ANTXR1: variants seen among roughly 807,000 people sequenced by gnomAD.
ANTXR1 encodes anthrax toxin receptor 1.
ANTXR1 carries 19 observed loss-of-function variants against 78.1 expected under a neutral mutation model. The observed-to-expected ratio is 0.24, with a 90% CI of 0.17 to 0.36. The LOEUF (loss-of-function observed/expected upper bound fraction) is 0.36, where lower values mean the gene tolerates loss of function less well. Ranked by LOEUF, ANTXR1 falls within the 10% of genes least tolerant of loss-of-function variation. The probability of loss-of-function intolerance (pLI) is 1.00; values close to 1 mark genes in which losing one functional copy is unlikely to be tolerated. For synonymous variants in ANTXR1, 273 were observed against 260.5 expected, an observed-to-expected ratio of 1.05 and a Z score of -0.46; for missense variants, 518 against 718.6, an observed-to-expected ratio of 0.72 and a Z score of 3.19.
At chr2:69,243,264 A>C (rs1675933416) in intron 17 of ANTXR1, among the ~76,000 whole-genome samples, 1 of 152,170 alleles carries the variant, frequency 6.6e-6, no homozygotes, top group Non-Finnish European at 1.5e-5. Flanking sequence ...AAGTCCCTGT[A>C]CCATGCAGAA....
chr2:69,091,122 A>C (rs1671219797), intron 9 of ANTXR1, among the ~76,000 whole-genome samples: 1 of 150,960 alleles, frequency 6.6e-6, no homozygotes, highest in South Asian at 2.1e-4. Flanking sequence ...GGAAGTTAAA[A>C]AAAAAAAAAA....
At chr2:69,192,280 A>C (rs1258113188) in intron 16 of ANTXR1, among the ~76,000 whole-genome samples, 1 of 152,182 alleles carries the variant, frequency 6.6e-6, no homozygotes, top group Non-Finnish European at 1.5e-5. Context: ...GACTAAAATC[A>C]AGGTGTTGGC....
chr2:69,223,067 A>G (rs1022397300), intron 17 of ANTXR1, among the ~76,000 whole-genome samples: 1 of 152,218 alleles, frequency 6.6e-6, no homozygotes, highest in Admixed American at 6.5e-5. Context: ...AGTGTGGAGA[A>G]GCAAGGAGCT....
At chr2:69,060,857 ATAAGT>A (rs972846430) in intron 3 of ANTXR1, among the ~76,000 whole-genome samples, 1 of 152,206 alleles carries the variant, frequency 6.6e-6, no homozygotes, top group East Asian at 1.9e-4. Context: ...AAATATTTTG[ATAAGT>A]TAAGATGTTT....
Position 69,013,810 on chromosome 2 carries a change from T to C in ANTXR1, c.152+159T>C, listed in dbSNP as rs945111583. 6.6e-6 allele frequency among the ~76,000 whole-genome samples: 1 copy of C among 152,158 alleles called. No individual in the cohort carries two copies. The highest frequency in any genetic ancestry group is 2.4e-5 in the African/African-American group (1 of 41,438). Reference sequence around the variant, plus strand: ...GCGGCGGCGGAGTGCTGCGCCTTTGTTGGGGCGCGCTCCTCCCAGCCTCGG... The same window carrying C: ...GCGGCGGCGGAGTGCTGCGCCTTTGCTGGGGCGCGCTCCTCCCAGCCTCGG... On this transcript the variant is annotated intron_variant, in intron 1 of 17. Coordinates refer to ENST00000303714, the MANE Select transcript of ANTXR1 (RefSeq NM_032208.3). The surrounding 1 kb of genome is among the most constrained non-coding windows in gnomAD (Gnocchi z 5.0).
At chr2:69,037,908 A>G (rs1459987759) in intron 1 of ANTXR1, among the ~76,000 whole-genome samples, 2 of 152,124 alleles carry the variant, frequency 1.3e-5, no homozygotes, top group Non-Finnish European at 1.5e-5. Flanking sequence ...CGCTCCTTCC[A>G]GATCCCTTCC....
intron 14 of ANTXR1, among the ~76,000 whole-genome samples, chr2:69,173,149 A>T (rs1049792683): frequency 3.7e-4 from 56 of 152,240 alleles, no homozygotes; most frequent in Admixed American, 1.3e-3. Flanking sequence ...GAACTGAGGC[A>T]GCTCTAGACA....
intron 12 of ANTXR1, among the ~76,000 whole-genome samples, chr2:69,136,974 C>G (rs1240102503): frequency 6.6e-6 from 1 of 152,126 alleles, no homozygotes; most frequent in Non-Finnish European, 1.5e-5. Flanking sequence ...TCAAGAGAAC[C>G]AAGAAAGCAC....
chr2:69,018,240 C>CCT (rs906781907), intron 1 of ANTXR1, among the ~76,000 whole-genome samples: 2 of 152,132 alleles, frequency 1.3e-5, no homozygotes, highest in Admixed American at 6.5e-5. Context: ...CCCCGTAAGA[C>CCT]CTCCGACTCC....
intron 14 of ANTXR1, among the ~76,000 whole-genome samples, chr2:69,173,647 G>C (rs1048056019): frequency 2.6e-5 from 4 of 152,108 alleles, no homozygotes; most frequent in Non-Finnish European, 5.9e-5. Context: ...CTACACCCAG[G>C]AATCCATACC....
chr2:69,028,462 A>G (rs1460768285), intron 1 of ANTXR1, among the ~76,000 whole-genome samples: 1 of 152,192 alleles, frequency 6.6e-6, no homozygotes, highest in African/African-American at 2.4e-5. Flanking sequence ...TTTATGAACT[A>G]AAATGTTATA....
intron 13 of ANTXR1, among the ~76,000 whole-genome samples, chr2:69,165,116 G>C (rs1673794307): frequency 6.6e-6 from 1 of 152,192 alleles, no homozygotes; most frequent in Non-Finnish European, 1.5e-5. Flanking sequence ...ACCCCAGAAA[G>C]CTGTGTTTTA....
At chr2:69,204,565 A>T (rs1674851471) in intron 17 of ANTXR1, among the ~76,000 whole-genome samples, 1 of 152,172 alleles carries the variant, frequency 6.6e-6, no homozygotes, top group African/African-American at 2.4e-5. Context: ...TGAGGCTCAG[A>T]TAAGATCTCT....
In ANTXR1 at chr2:69,245,892, C is replaced by A; in HGVS notation, c.*407C>A. On this transcript the variant is annotated 3_prime_UTR_variant, in exon 18 of 18. Coordinates refer to ENST00000303714, the MANE Select transcript of ANTXR1 (RefSeq NM_032208.3). Reference sequence around the variant, plus strand: ...TTCCTGCCTCTACTCCACCTCCATCCCTGGACTTTGGACCCTTGGCCTAGG... The same window carrying A: ...TTCCTGCCTCTACTCCACCTCCATCACTGGACTTTGGACCCTTGGCCTAGG... 1 of 192,830 alleles carries A rather than the reference C, an allele frequency of 5.2e-6. No individual in the cohort carries two copies. The highest frequency in any genetic ancestry group is 1.1e-5 in the Non-Finnish European group (1 of 92,896). 11.9% of individuals were successfully genotyped at this position (192,830 alleles called of 1,614,324 possible).
intron 10 of ANTXR1, among the ~76,000 whole-genome samples, chr2:69,106,689 T>C (rs2104331743): frequency 6.6e-6 from 1 of 152,328 alleles, no homozygotes; most frequent in East Asian, 1.9e-4. Flanking sequence ...CCAAAATGTG[T>C]CCGTGATCTT....
chr2:69,245,562 G>C lies in ANTXR1; in HGVS notation c.*77G>C. On this transcript the variant is annotated 3_prime_UTR_variant, in exon 18 of 18. Transcript: ENST00000303714. ...ACAAGTCTTTCCAGTTAGAGAAGAG[G>C]AGTGGTGATAAAGCCCACTGACCTT... 1 of 1,584,490 alleles carries C rather than the reference G, an allele frequency of 6.3e-7. No individual in the cohort carries two copies. Among genetic ancestry groups the C allele is most frequent in the South Asian group, 1.1e-5 (1 of 87,158 alleles).
At chr2:69,020,942 AG>A (rs1317299428) in intron 1 of ANTXR1, among the ~76,000 whole-genome samples, 2 of 152,224 alleles carry the variant, frequency 1.3e-5, no homozygotes, top group Non-Finnish European at 2.9e-5. Flanking sequence ...GGGAGGTAAA[AG>A]GAATGCAAAA....
chr2:69,043,624 C>T (rs898783603), intron 2 of ANTXR1, among the ~76,000 whole-genome samples: 10 of 152,168 alleles, frequency 6.6e-5, no homozygotes, highest in Admixed American at 2.6e-4. Flanking sequence ...AAAGATGCAT[C>T]AGGCATTTAT....
At chr2:69,171,012 C>T (rs1471122998) in intron 14 of ANTXR1, among the ~76,000 whole-genome samples, 1 of 152,178 alleles carries the variant, frequency 6.6e-6, no homozygotes, top group African/African-American at 2.4e-5. Flanking sequence ...CAGCTGGAGT[C>T]TCTAGAAGTA....
Sources: gnomAD v4.1 joint callset for allele counts (sites outside exome capture counted in the v4.1 genomes callset) on GRCh38, gnomAD v4.1.1 for gene constraint, Gnocchi (gnomAD v3.1) non-coding constraint, MANE v1.5 for transcripts, NCBI Gene and HGNC (gene_info 2026-07-23, HGNC 2026-07-21) for gene names.